The following OXR1 variants were observed in gnomAD, a reference collection of about 807,000 sequenced individuals.
OXR1 encodes the protein oxidation resistance 1.
A neutral mutation model predicts 104.6 loss-of-function variants in OXR1; 41 were observed. That is an observed-to-expected ratio of 0.39 (90% CI 0.31 to 0.51). The LOEUF is 0.51. Among genes scored for constraint, OXR1 ranks in the 20% least tolerant of loss-of-function variants. The probability of loss-of-function intolerance (pLI) is 0.77; values close to 1 mark genes in which losing one functional copy is unlikely to be tolerated. For missense variants in OXR1, 955 were observed against 1,031.9 expected (o/e 0.93, Z 1.02); for synonymous variants, 348 against 348.4 (o/e 1.00, Z 0.01).
intron 1 of OXR1, among the ~76,000 whole-genome samples, chr8:106,297,229 A>G (rs1048658376): frequency 6.6e-6 from 1 of 152,038 alleles, no homozygotes; most frequent in African/African-American, 2.4e-5. Context: ...ATTTTATTTT[A>G]TTTTATTTTA....
chr8:106,412,875 T>C (rs919295673), intron 2 of OXR1, among the ~76,000 whole-genome samples: 13 of 152,144 alleles, frequency 8.5e-5, no homozygotes, highest in African/African-American at 3.1e-4. Flanking sequence ...GACGTGTACA[T>C]GTATCTCTTC....
chr8:106,398,017 G>A (rs931101016), intron 2 of OXR1, among the ~76,000 whole-genome samples: 2 of 151,950 alleles, frequency 1.3e-5, no homozygotes, highest in African/African-American at 2.4e-5. Context: ...TAATCACTCC[G>A]ATCTCTGCCT....
chr8:106,638,128 C>T (rs1333236849), intron 3 of OXR1, among the ~76,000 whole-genome samples: 1 of 152,132 alleles, frequency 6.6e-6, no homozygotes, highest in South Asian at 2.1e-4. Flanking sequence ...TTAGTCCCTC[C>T]TGCCAAGAAA....
chr8:106,270,732 G>A (rs1355194545), intron 1 of OXR1, among the ~76,000 whole-genome samples: 1 of 152,098 alleles, frequency 6.6e-6, no homozygotes, highest in Non-Finnish European at 1.5e-5. Context: ...GAAAGTGGGG[G>A]TGTCGCCGGG....
intron 11 of OXR1, among the ~76,000 whole-genome samples, chr8:106,717,310 A>G (rs527918429): frequency 4.6e-5 from 7 of 152,352 alleles, no homozygotes; most frequent in Admixed American, 2.0e-4. Flanking sequence ...TAAAGCCCTT[A>G]TATAAAACAG....
intron 3 of OXR1, among the ~76,000 whole-genome samples, chr8:106,649,749 T>G (rs1824396288): frequency 6.6e-6 from 1 of 151,878 alleles, no homozygotes; most frequent in Non-Finnish European, 1.5e-5. Flanking sequence ...CAGGCTGGAG[T>G]GCAGTGGCGC....
At chr8:106,281,799 CAAAAAA>C (rs59515650) in intron 1 of OXR1, among the ~76,000 whole-genome samples, 2 of 62,920 alleles carry the variant, frequency 3.2e-5, no homozygotes. Flanking sequence ...GACTCTATCT[CAAAAAA>C]AAAAAAAAAA....
chr8:106,621,887 A>C (rs1025444584), intron 3 of OXR1, among the ~76,000 whole-genome samples: 3 of 152,314 alleles, frequency 2.0e-5, no homozygotes, highest in African/African-American at 7.2e-5. Flanking sequence ...ATGAACATTT[A>C]GTCATATACT....
At chr8:106,625,344 C>A (rs1040323926) in intron 3 of OXR1, among the ~76,000 whole-genome samples, 1 of 152,148 alleles carries the variant, frequency 6.6e-6, no homozygotes, top group Non-Finnish European at 1.5e-5. Flanking sequence ...AGTGAGACCA[C>A]CCCCTTTCAG....
At chr8:106,313,860 T>C (rs962448588) in intron 1 of OXR1, among the ~76,000 whole-genome samples, 2 of 152,210 alleles carry the variant, frequency 1.3e-5, no homozygotes, top group Non-Finnish European at 2.9e-5. Context: ...CATTTCTCTG[T>C]AGCAGAAACT....
chr8:106,480,899 A>G (rs1822075985), intron 2 of OXR1, among the ~76,000 whole-genome samples: 1 of 152,048 alleles, frequency 6.6e-6, no homozygotes, highest in Non-Finnish European at 1.5e-5. Context: ...GAATGATTGA[A>G]TACTTCTCAA....
intron 2 of OXR1, among the ~76,000 whole-genome samples, chr8:106,414,732 G>C (rs908942071): frequency 6.6e-6 from 1 of 152,054 alleles, no homozygotes; most frequent in Admixed American, 6.6e-5. Flanking sequence ...AAGTAGTTTG[G>C]TTTGGCCAGA....
intron 3 of OXR1, among the ~76,000 whole-genome samples, chr8:106,590,254 C>T (rs565695468): frequency 6.6e-5 from 10 of 152,274 alleles, no homozygotes; most frequent in Non-Finnish European, 1.2e-4. Flanking sequence ...TAAATGACTG[C>T]GGCAATACAG....
intron 2 of OXR1, among the ~76,000 whole-genome samples, chr8:106,385,983 A>G (rs1817354946): frequency 6.6e-6 from 1 of 152,034 alleles, no homozygotes; most frequent in African/African-American, 2.4e-5. Context: ...AATGTGTGAA[A>G]ATGAGGTACG....
chr8:106,589,360 C>T (rs527441250), intron 3 of OXR1, among the ~76,000 whole-genome samples: 3 of 147,006 alleles, frequency 2.0e-5, no homozygotes, highest in South Asian at 4.4e-4. Flanking sequence ...TTTTTTTCCA[C>T]AGCAGAGACA....
At chr8:106,338,434 ACACCTGTAAT>A in intron 1 of OXR1, among the ~76,000 whole-genome samples, 1 of 151,840 alleles carries the variant, frequency 6.6e-6, no homozygotes, top group Non-Finnish European at 1.5e-5. Flanking sequence ...GTGGTGGCCC[ACACCTGTAAT>A]CCCAGCTACT....
intron 11 of OXR1, among the ~76,000 whole-genome samples, chr8:106,724,833 T>C (rs1014322629): frequency 6.6e-6 from 1 of 152,162 alleles, no homozygotes; most frequent in Non-Finnish European, 1.5e-5. Flanking sequence ...ACCAACAGAA[T>C]AGACTATGCC....
At chr8:106,400,261 A>T (rs149550425) in intron 2 of OXR1, among the ~76,000 whole-genome samples, 2 of 152,296 alleles carry the variant, frequency 1.3e-5, no homozygotes, top group Non-Finnish European at 2.9e-5. Flanking sequence ...ATTTCCAAGC[A>T]TACTGCAACA....
chr8:106,705,814 A>G (rs895715093), intron 8 of OXR1, among the ~76,000 whole-genome samples: 2 of 152,090 alleles, frequency 1.3e-5, no homozygotes, highest in Non-Finnish European at 2.9e-5. Flanking sequence ...TAAAGAGTAT[A>G]GTTGTTAGCC....
Sources: gnomAD v4.1 joint callset for allele counts (sites outside exome capture counted in the v4.1 genomes callset) on GRCh38, gnomAD v4.1.1 for gene constraint, MANE v1.5 for transcripts, NCBI Gene and HGNC (gene_info 2026-07-23, HGNC 2026-07-21) for gene names.